ATP6V0D1: variants seen among roughly 807,000 people sequenced by gnomAD.
ATP6V0D1 encodes V-type proton ATPase subunit d 1.
A neutral mutation model predicts 39.0 loss-of-function variants in ATP6V0D1; 13 were observed. The observed-to-expected ratio is 0.33, with a 90% CI of 0.22 to 0.53. ATP6V0D1 has a LOEUF of 0.53. Ranked by LOEUF, ATP6V0D1 falls within the 20% of genes least tolerant of loss-of-function variation. The probability of loss-of-function intolerance (pLI) is 0.94; values close to 1 mark genes in which losing one functional copy is unlikely to be tolerated. For missense variants in ATP6V0D1, 272 were observed against 470.9 expected (o/e 0.58, Z 3.91); for synonymous variants, 191 against 191.2 (o/e 1.00, Z 0.01).
chr16:67,438,826 G>A lies in ATP6V0D1; in HGVS notation c.861C>T (p.Asp287=). Residue 287 remains aspartate (D), a synonymous_variant, in exon 7 of 8, where the codon GAC becomes GAT. Coordinates refer to ENST00000290949, the MANE Select transcript of ATP6V0D1 (RefSeq NM_004691.5). ...LFEGAGSNPG[D]KTLEDRFFEH... is the part of the protein sequence containing the mutation. ...CAAAGAATCGGTCCTCCAGCGTCTTGTCTCCAGGGTTGCTACCTGCACCCT... is the reference window on the plus strand; with the variant it reads ...CAAAGAATCGGTCCTCCAGCGTCTTATCTCCAGGGTTGCTACCTGCACCCT... 1 of 1,613,584 alleles carries A rather than the reference G, an allele frequency of 6.2e-7. No homozygotes were observed. The highest frequency in any genetic ancestry group is 1.3e-5 in the African/African-American group (1 of 74,798).
intron 1 of ATP6V0D1, chr16:67,457,736 C>A (rs1567538759): frequency 5.2e-6 from 5 of 957,562 alleles, no homozygotes; most frequent in Non-Finnish European, 7.3e-6. Context: ...CACTCCTGGG[C>A]TCAGCAAGGG....
chr16:67,480,683 C>A (rs768586892), intron 1 of ATP6V0D1, among the ~76,000 whole-genome samples: 9 of 152,136 alleles, frequency 5.9e-5, no homozygotes, highest in Non-Finnish European at 7.4e-5. Context: ...CGAAACACCC[C>A]CTCCTCCCAA....
intron 4 of ATP6V0D1, 131 bp downstream of exon 4, chr16:67,442,968 G>GT: frequency 1.0e-6 from 1 of 952,712 alleles, no homozygotes. Context: ...AGAATAAGCA[G>GT]TAAGTCCCTG....
At chr16:67,443,007 G>T in intron 4 of ATP6V0D1, 92 bp downstream of exon 4, 1 of 1,345,238 alleles carries the variant, frequency 7.4e-7, no homozygotes, top group Non-Finnish European at 1.1e-6. Context: ...GCTGCATCCT[G>T]TCCCAGCACC....
chr16:67,470,535 G>A (rs907985890), intron 1 of ATP6V0D1, among the ~76,000 whole-genome samples: 25 of 152,326 alleles, frequency 1.6e-4, no homozygotes, highest in Admixed American at 5.2e-4. Flanking sequence ...CTAGCCTCCT[G>A]GCAGGACTTG....
rs765309413 is a variant in ATP6V0D1, at chr16:67,444,553, A to G, written c.456T>C (p.Asn152=). Residue 152 remains asparagine (N), a synonymous_variant, in exon 3 of 8, where the codon AAT becomes AAC. Coordinates refer to ENST00000290949, the MANE Select transcript of ATP6V0D1 (RefSeq NM_004691.5). This position sits in a 1 kb window ranked among gnomAD's most constrained non-coding sequence, Gnocchi z 4.8. ...CAAGAGGCGTGTCCACCAGAATGGC[A>G]TTGTAGAGCTCAGCAGGTGTCTGAG... ...NIAQTPAELY[N]AILVDTPLAA... is the part of the protein sequence containing the mutation. 1.9e-6 allele frequency: 3 copies of G among 1,608,910 alleles called. No homozygotes were observed. Among genetic ancestry groups the G allele is most frequent in the Non-Finnish European group, 2.6e-6 (3 of 1,176,186 alleles).
rs1385784285 is a variant in ATP6V0D1, at chr16:67,443,116, G to A, written c.544C>T (p.Arg182Cys). Residue 182 changes from arginine (R) to cysteine (C), a missense_variant, in exon 4 of 8, where the codon CGC (arginine) becomes TGC (cysteine). By Grantham distance (180) the Arg-to-Cys change is radical. Transcript: ENST00000290949. ...GGCATTACCTTGTAGAGGGTGTTGC[G>A]GATGATCTCGATGTTCATCTCGTCA... ...DLDEMNIEII[R>C]NTLYKAYLES... 1 of 1,613,792 alleles carries A rather than the reference G, an allele frequency of 6.2e-7. No individual in the cohort carries two copies. The highest frequency in any genetic ancestry group is 1.7e-5 in the Admixed American group (1 of 60,022).
intron 2 of ATP6V0D1, among the ~76,000 whole-genome samples, chr16:67,449,316 A>G (rs994569966): frequency 6.6e-6 from 1 of 152,080 alleles, no homozygotes; most frequent in Non-Finnish European, 1.5e-5. Flanking sequence ...CAGAGGCCGC[A>G]CTCACTCCTC....
intron 1 of ATP6V0D1, among the ~76,000 whole-genome samples, chr16:67,463,548 A>G (rs1233762563): frequency 1.3e-5 from 2 of 152,064 alleles, no homozygotes; most frequent in East Asian, 3.9e-4. Flanking sequence ...AAGAAAAAAG[A>G]AAGAGGGAGG....
chr16:67,473,310 G>A (rs1567542944), intron 1 of ATP6V0D1, among the ~76,000 whole-genome samples: 2 of 152,042 alleles, frequency 1.3e-5, no homozygotes, highest in Non-Finnish European at 2.9e-5. Flanking sequence ...ATGGTTTTAA[G>A]CATACTCACA....
chr16:67,450,557 C>T (rs1017855168), intron 2 of ATP6V0D1, among the ~76,000 whole-genome samples: 2 of 151,976 alleles, frequency 1.3e-5, no homozygotes, highest in East Asian at 3.9e-4. Context: ...GGGGTGGACA[C>T]CGCAGAGTGG....
intron 1 of ATP6V0D1, among the ~76,000 whole-genome samples, chr16:67,469,340 T>C (rs1030046669): frequency 1.3e-5 from 2 of 151,914 alleles, no homozygotes; most frequent in African/African-American, 4.8e-5. Context: ...AATAATAAAA[T>C]CGGGCTAAAG....
At chr16:67,464,851 A>G (rs1415787554) in intron 1 of ATP6V0D1, among the ~76,000 whole-genome samples, 1 of 152,240 alleles carries the variant, frequency 6.6e-6, no homozygotes, top group Non-Finnish European at 1.5e-5. Flanking sequence ...AGTGTCCAGC[A>G]CCAGTCAGGG....
At chr16:67,477,327 T>C (rs1213757659) in intron 1 of ATP6V0D1, among the ~76,000 whole-genome samples, 3 of 152,172 alleles carry the variant, frequency 2.0e-5, no homozygotes, top group Admixed American at 6.5e-5. Flanking sequence ...ATAAATCATA[T>C]TTTAAAAATT....
intron 1 of ATP6V0D1, 105 bp downstream of exon 1, chr16:67,480,852 C>A: frequency 6.8e-7 from 1 of 1,465,238 alleles, no homozygotes. Context: ...CCCAGAGAGG[C>A]CTCTCAGGCC....
At position 67,481,119 on chromosome 16, in the gene ATP6V0D1, A is replaced by G. The variant is rs1312585357; in HGVS notation, c.-33T>C. ...GCGGGAGCGGCGGGACCGGAGAACC[A>G]GGACCGGCCGGCACGAATCGCGACT... On this transcript the variant is annotated 5_prime_UTR_variant, in exon 1 of 8. Coordinates refer to ENST00000290949, the MANE Select transcript of ATP6V0D1 (RefSeq NM_004691.5). 2 of 1,612,298 alleles carry G rather than the reference A, an allele frequency of 1.2e-6. No homozygotes were observed. The highest frequency in any genetic ancestry group is 1.3e-5 in the African/African-American group (1 of 74,908).
At chr16:67,462,919 T>A (rs561576788) in intron 1 of ATP6V0D1, among the ~76,000 whole-genome samples, 2 of 152,032 alleles carry the variant, frequency 1.3e-5, no homozygotes, top group East Asian at 3.9e-4. Flanking sequence ...CTCTTGATGC[T>A]GGGCTCCTGT....
At position 67,456,849 on chromosome 16, in the gene ATP6V0D1, G is replaced by A. The variant is rs563376841; in HGVS notation, c.131-3134C>T. The A allele has an allele frequency of 9.8e-5, 15 of 152,432 alleles. No individual in the cohort carries two copies. The highest frequency in any genetic ancestry group is 3.4e-4 in the African/African-American group (14 of 41,576). The allele number at this position is 152,432 out of a possible 1,614,324, so 9.4% of individuals were successfully genotyped here. On this transcript the variant is annotated intron_variant, in intron 1 of 7. Coordinates refer to ENST00000290949, the MANE Select transcript of ATP6V0D1 (RefSeq NM_004691.5). The surrounding 1 kb of genome is among the most constrained non-coding windows in gnomAD (Gnocchi z 4.1). ...ATCCCTCCCCTCCAAAGCATCAGGG[G>A]CTGGGCCTCACCCGGGCATCTGTGT...
intron 1 of ATP6V0D1, among the ~76,000 whole-genome samples, chr16:67,460,400 CA>C (rs1441153887): frequency 1.3e-5 from 2 of 151,984 alleles, no homozygotes; most frequent in Non-Finnish European, 2.9e-5. Flanking sequence ...CCTTTTTTTT[CA>C]TATCAGCTCC....
Sources: allele counts gnomAD v4.1 joint callset (sites outside exome capture counted in the v4.1 genomes callset), GRCh38; gene constraint gnomAD v4.1.1; non-coding constraint Gnocchi (gnomAD v3.1); transcripts MANE v1.5; gene names NCBI Gene and HGNC (gene_info 2026-07-23, HGNC 2026-07-21).